The following GOLGA7 variants were observed in gnomAD, a reference collection of about 807,000 sequenced individuals.
The protein encoded by GOLGA7 is golgin A7.
GOLGA7 carries 10 observed loss-of-function variants against 21.1 expected under a neutral mutation model. The ratio of observed to expected loss-of-function variants is 0.47; its 90% CI spans 0.29 to 0.80. The LOEUF (loss-of-function observed/expected upper bound fraction) is 0.80. Among genes scored for constraint, GOLGA7 ranks in the 30% least tolerant of loss-of-function variants. The pLI is 0.08. For missense variants in GOLGA7, 114 were observed against 166.8 expected (o/e 0.68, Z 1.74); for synonymous variants, 64 against 62.6 (o/e 1.02, Z -0.10).
At chr8:41,491,106 G>T in intron 1 of GOLGA7, 141 bp downstream of exon 1, 1 of 626,652 alleles carries the variant, frequency 1.6e-6, no homozygotes, top group Non-Finnish European at 2.9e-6. Context: ...TTGGCCAAAC[G>T]TGTAAGAAGA....
chr8:41,492,099 A>G (rs1020388785), intron 1 of GOLGA7, among the ~76,000 whole-genome samples: 2 of 152,240 alleles, frequency 1.3e-5, no homozygotes, highest in Non-Finnish European at 2.9e-5. Context: ...AACCATGGGC[A>G]GCTTCATGGC....
intron 1 of GOLGA7, among the ~76,000 whole-genome samples, chr8:41,494,152 A>G (rs1287696811): frequency 1.3e-5 from 2 of 151,972 alleles, no homozygotes; most frequent in African/African-American, 4.8e-5. Context: ...CCTATAGGGC[A>G]TTGTAATCTC....
At chr8:41,491,097 T>C in intron 1 of GOLGA7, 132 bp downstream of exon 1, 1 of 639,282 alleles carries the variant, frequency 1.6e-6, no homozygotes, top group South Asian at 1.8e-5. Flanking sequence ...GAAGGGGCCT[T>C]GGCCAAACGT....
At chr8:41,508,875 T>G (rs903420517) in intron 4 of GOLGA7, among the ~76,000 whole-genome samples, 7 of 151,908 alleles carry the variant, frequency 4.6e-5, no homozygotes, top group African/African-American at 1.7e-4. Flanking sequence ...CATAATTTAT[T>G]CAATTCTTCC....
intron 2 of GOLGA7, among the ~76,000 whole-genome samples, chr8:41,500,081 A>G (rs1268060430): frequency 6.6e-6 from 1 of 152,252 alleles, no homozygotes; most frequent in East Asian, 1.9e-4. Context: ...AACTATTGAA[A>G]GCCTACTATG....
intron 2 of GOLGA7, among the ~76,000 whole-genome samples, chr8:41,504,121 A>AAAT (rs1806218855): frequency 1.7e-4 from 1 of 5,752 alleles, no homozygotes; most frequent in Admixed American, 1.9e-3. Flanking sequence ...AGAGTATAAT[A>AAAT]AAAAAAAAAA....
rs984644076 is a variant in GOLGA7, at chr8:41,499,850, A to G, written c.264+2189A>G. Reference sequence around the variant, plus strand: ...GGAGGTGGAGCGCTAGCCAGGGACCATGCCCTTCTCTACCCAGCACTTCCC... The same window carrying G: ...GGAGGTGGAGCGCTAGCCAGGGACCGTGCCCTTCTCTACCCAGCACTTCCC... On this transcript the variant is annotated intron_variant, in intron 2 of 4. Coordinates refer to ENST00000357743, the MANE Select transcript of GOLGA7 (RefSeq NM_001002296.2). 7.9e-5 allele frequency among the ~76,000 whole-genome samples: 12 copies of G among 152,238 alleles called. No homozygotes were observed. In the East Asian group the frequency reaches 2.3e-3, roughly 29 times the overall value.
At chr8:41,491,140 T>G (rs958315336) in intron 1 of GOLGA7, among the ~76,000 whole-genome samples, 175 bp downstream of exon 1, 3 of 152,130 alleles carry the variant, frequency 2.0e-5, no homozygotes, top group Non-Finnish European at 2.9e-5. Context: ...AGACAGGTGT[T>G]TGGAGCAGGA....
chr8:41,498,666 T>C (rs1008403370), intron 2 of GOLGA7, among the ~76,000 whole-genome samples: 1 of 152,262 alleles, frequency 6.6e-6, no homozygotes, highest in Admixed American at 6.5e-5. Context: ...ACATTTTATT[T>C]GTATCTGTTT....
chr8:41,492,936 A>C (rs1305409110), intron 1 of GOLGA7, among the ~76,000 whole-genome samples: 5 of 152,196 alleles, frequency 3.3e-5, no homozygotes, highest in Admixed American at 1.3e-4. Context: ...TTGTAATCTA[A>C]GTGCAAAAGC....
At chr8:41,491,489 C>G (rs569990642) in intron 1 of GOLGA7, among the ~76,000 whole-genome samples, 1 of 152,120 alleles carries the variant, frequency 6.6e-6, no homozygotes, top group African/African-American at 2.4e-5. Context: ...TTAAAGACGT[C>G]GGGCGTTAGA....
At chr8:41,496,343 C>T (rs149444293) in intron 1 of GOLGA7, among the ~76,000 whole-genome samples, 3 of 151,900 alleles carry the variant, frequency 2.0e-5, no homozygotes, top group African/African-American at 4.8e-5. Context: ...CACATGAGGT[C>T]GGGTTTGGAA....
chr8:41,495,656 A>G (rs1455017195), intron 1 of GOLGA7, among the ~76,000 whole-genome samples: 1 of 142,952 alleles, frequency 7.0e-6, no homozygotes, highest in Non-Finnish European at 1.6e-5. Flanking sequence ...GGAAAGGAGA[A>G]AAAAAAAAAG....
chr8:41,501,630 A>C (rs1387497948), intron 2 of GOLGA7, among the ~76,000 whole-genome samples: 4 of 152,202 alleles, frequency 2.6e-5, no homozygotes, highest in Admixed American at 6.5e-5. Flanking sequence ...TCCTGGCCTC[A>C]AGCGATCCTC....
At chr8:41,503,891 A>G (rs528906651) in intron 2 of GOLGA7, among the ~76,000 whole-genome samples, 1 of 151,198 alleles carries the variant, frequency 6.6e-6, no homozygotes, top group Non-Finnish European at 1.5e-5. Context: ...GACTTGGCAT[A>G]TTCTCACTCA....
At position 41,497,328 on chromosome 8, in the gene GOLGA7, A is replaced by G. The variant is rs17598469; in HGVS notation, c.112-181A>G. On this transcript the variant is annotated intron_variant, in intron 1 of 4. Transcript: ENST00000357743. ...ACCTTATTGAGCCTTGAAGCTATCC[A>G]GTATTTATAAGAGGGATAAAATTAA... Among the ~76,000 whole-genome samples the G allele has an allele frequency of 8.3e-3, 1,267 of 152,186 alleles. 4 individuals are homozygous for G. Among genetic ancestry groups the G allele is most frequent in the Non-Finnish European group, 0.012 (803 of 68,012 alleles).
chr8:41,497,324 A>C (rs117611250), intron 1 of GOLGA7, among the ~76,000 whole-genome samples, 185 bp from the exon 2 acceptor site: 3,228 of 152,154 alleles, frequency 0.021, 44 homozygotes, highest in Middle Eastern at 0.048. Flanking sequence ...CCTTGAAGCT[A>C]TCCAGTATTT....
intron 2 of GOLGA7, among the ~76,000 whole-genome samples, chr8:41,503,462 G>T (rs1340000637): frequency 1.0e-5 from 1 of 99,650 alleles, no homozygotes; most frequent in Non-Finnish European, 2.0e-5. Context: ...ATTGCTTTTG[G>T]TGTTTTGGAC....
chr8:41,500,927 G>A (rs1333885219), intron 2 of GOLGA7, among the ~76,000 whole-genome samples: 1 of 151,858 alleles, frequency 6.6e-6, no homozygotes, highest in African/African-American at 2.4e-5. Context: ...AGGAGGGGAG[G>A]GTAAAGCTGA....
Sources: gnomAD v4.1 joint callset for allele counts (sites outside exome capture counted in the v4.1 genomes callset) on GRCh38, gnomAD v4.1.1 for gene constraint, MANE v1.5 for transcripts, NCBI Gene and HGNC (gene_info 2026-07-23, HGNC 2026-07-21) for gene names.